The following NF1 variants were observed in gnomAD, a reference collection of about 807,000 sequenced individuals.
The protein encoded by NF1 is neurofibromin 1, also known as neurofibromin.
Under a neutral mutation model 325.7 loss-of-function variants are expected in NF1, and 122 were observed. The ratio of observed to expected loss-of-function variants is 0.37; its 90% CI spans 0.32 to 0.44. The LOEUF (loss-of-function observed/expected upper bound fraction) is 0.44, where lower values mean the gene tolerates loss of function less well. Ranked by LOEUF, NF1 falls within the 20% of genes least tolerant of loss-of-function variation. The pLI, the probability that NF1 is intolerant of heterozygous loss-of-function variation, is 1.00. For missense variants in NF1, 2,140 were observed against 3,415.4 expected, an observed-to-expected ratio of 0.63 and a Z score of 9.31; for synonymous variants, 1,091 against 1,186.0, an observed-to-expected ratio of 0.92 and a Z score of 1.65.
At chr17:31,345,336 G>A (rs942538563) in intron 48 of NF1, among the ~76,000 whole-genome samples, 1 of 152,136 alleles carries the variant, frequency 6.6e-6, no homozygotes, top group African/African-American at 2.4e-5. Flanking sequence ...ACTCGGTCCC[G>A]GCGCTGGGCT....
At chr17:31,265,025 G>A (rs1187382141) in intron 35 of NF1, among the ~76,000 whole-genome samples, 1 of 152,186 alleles carries the variant, frequency 6.6e-6, no homozygotes, top group East Asian at 1.9e-4. Context: ...AGTTCTCTTA[G>A]AATAGTCCTA....
chr17:31,214,668 AT>A, intron 13 of NF1, 83 bp downstream of exon 13: 1 of 1,399,292 alleles, frequency 7.1e-7, no homozygotes, highest in Non-Finnish European at 1.0e-6. Context: ...CTTGAGGATA[AT>A]TTTTAGCTCA....
At chr17:31,365,855 T>A (rs1212548958) in intron 57 of NF1, among the ~76,000 whole-genome samples, 1 of 151,812 alleles carries the variant, frequency 6.6e-6, no homozygotes, top group African/African-American at 2.4e-5. Flanking sequence ...CATGTAATAA[T>A]TATGGCAAAA....
chr17:31,367,054 T>G (rs1024894479), intron 57 of NF1, among the ~76,000 whole-genome samples: 1 of 152,154 alleles, frequency 6.6e-6, no homozygotes, highest in African/African-American at 2.4e-5. Context: ...TCTCATTTAT[T>G]TACCAACTGT....
Position 31,221,827 on chromosome 17 carries a change from T to C in NF1, c.1642-23T>C, listed in dbSNP as rs1332764494. ...TGTTTGAGTGAGTCTTCTCTTTGTC[T>C]TTCTCTTTTTTAAAAAATTCAGGCT... On this transcript the variant is annotated intron_variant, in intron 14 of 57. Coordinates refer to ENST00000358273, the MANE Select transcript of NF1 (RefSeq NM_001042492.3). 3.2e-6 allele frequency: 5 copies of C among 1,555,420 alleles called. No individual in the cohort carries two copies. The African/African-American group carries it at 5.4e-5, about 17-fold the overall frequency.
chr17:31,230,190 T>A, intron 22 of NF1, 70 bp from the exon 23 acceptor site: 1 of 1,548,454 alleles, frequency 6.5e-7, no homozygotes, highest in Non-Finnish European at 8.9e-7. Flanking sequence ...ACTTGATGAC[T>A]AAAGTATTTA....
intron 1 of NF1, among the ~76,000 whole-genome samples, chr17:31,123,694 C>A (rs1475606042): frequency 2.0e-5 from 3 of 152,144 alleles, no homozygotes; most frequent in Non-Finnish European, 4.4e-5. Flanking sequence ...TGGTAAATAT[C>A]TTAGTCAGTT....
At chr17:31,110,287 G>C (rs2077939257) in intron 1 of NF1, among the ~76,000 whole-genome samples, 1 of 152,162 alleles carries the variant, frequency 6.6e-6, no homozygotes, top group South Asian at 2.1e-4. Flanking sequence ...ATGTAATGAG[G>C]ACTAGATGAA....
At chr17:31,184,663 A>AT (rs1567827995) in intron 8 of NF1, among the ~76,000 whole-genome samples, 2 of 144,308 alleles carry the variant, frequency 1.4e-5, no homozygotes, top group Non-Finnish European at 3.1e-5. Flanking sequence ...AAAAAAATAA[A>AT]AAAAAAAAAT....
chr17:31,130,794 C>T (rs1291462866), intron 1 of NF1, among the ~76,000 whole-genome samples: 1 of 152,164 alleles, frequency 6.6e-6, no homozygotes, highest in Non-Finnish European at 1.5e-5. Flanking sequence ...ACAAGGTACA[C>T]CTGTGCACAC....
At chr17:31,164,785 A>G (rs948622044) in intron 4 of NF1, among the ~76,000 whole-genome samples, 1 of 152,214 alleles carries the variant, frequency 6.6e-6, no homozygotes, top group African/African-American at 2.4e-5. Flanking sequence ...TTCAACCTCA[A>G]TGCAATTCTT....
intron 8 of NF1, among the ~76,000 whole-genome samples, chr17:31,189,630 C>T (rs1390477715): frequency 2.0e-5 from 3 of 151,982 alleles, no homozygotes; most frequent in African/African-American, 7.3e-5. Flanking sequence ...CAAATGGAAT[C>T]ATTCAGCATG....
At position 31,331,904 on chromosome 17, in the gene NF1, TAAAAAAAAA is replaced by T. The variant is rs755592420; in HGVS notation, c.5812+1433_5812+1441del. 332 of 42,832 alleles carry T rather than the reference TAAAAAAAAA, an allele frequency of 7.8e-3. 2 individuals are homozygous for T. The highest frequency in any genetic ancestry group is 0.036 in the African/African-American group (275 of 7,706). 2.7% of individuals were successfully genotyped at this position (42,832 alleles called of 1,614,324 possible). On this transcript the variant is annotated intron_variant, in intron 39 of 57. Coordinates refer to ENST00000358273, the MANE Select transcript of NF1 (RefSeq NM_001042492.3). ...ATGATAGAGTGAGACCCTTCTCTAT[TAAAAAAAAA>T]AAAAAAAAAAAAAAAAAAAAAAAAA... is the stretch of plus-strand genomic sequence containing the variant.
chr17:31,331,005 A>G (rs1404050804), intron 39 of NF1: 1 of 152,648 alleles, frequency 6.6e-6, no homozygotes. Flanking sequence ...TATAAATTTA[A>G]TATCCACTCT....
chr17:31,120,831 A>G (rs1914362978), intron 1 of NF1, among the ~76,000 whole-genome samples: 1 of 152,122 alleles, frequency 6.6e-6, no homozygotes, highest in Non-Finnish European at 1.5e-5. Flanking sequence ...GAGCTCCCTA[A>G]AGATCCTACA....
intron 29 of NF1, among the ~76,000 whole-genome samples, chr17:31,247,233 G>A (rs2151449380): frequency 6.6e-6 from 1 of 150,520 alleles, no homozygotes; most frequent in Admixed American, 6.6e-5. Context: ...TGGATATGGG[G>A]AATAATGAAG....
chr17:31,211,839 G>A (rs2066733530), intron 12 of NF1, among the ~76,000 whole-genome samples: 1 of 152,148 alleles, frequency 6.6e-6, no homozygotes, highest in Non-Finnish European at 1.5e-5. Context: ...TGCATGTGAA[G>A]CCTAGGACAT....
intron 36 of NF1, 47 bp from the exon 37 acceptor site, chr17:31,325,768 ATTTAT>A (rs2069323850): frequency 7.4e-7 from 1 of 1,355,340 alleles, no homozygotes; most frequent in African/African-American, 1.4e-5. Context: ...GCATCTGTAT[ATTTAT>A]TTTAAACACT....
At chr17:31,250,730 G>A (rs2067479723) in intron 30 of NF1, 1 of 189,500 alleles carries the variant, frequency 5.3e-6, no homozygotes, top group South Asian at 1.9e-4. Context: ...AAGTAAACAA[G>A]ATTCTTGCCA....
Sources: allele counts gnomAD v4.1 joint callset (sites outside exome capture counted in the v4.1 genomes callset), GRCh38; gene constraint gnomAD v4.1.1; transcripts MANE v1.5; gene names NCBI Gene and HGNC (gene_info 2026-07-23, HGNC 2026-07-21).